The following SMAD3 variants were observed in gnomAD, a reference collection of about 807,000 sequenced individuals.
SMAD3 encodes SMAD family member 3.
In SMAD3, 12 loss-of-function variants were observed where a neutral mutation model predicts 51.8. The observed-to-expected ratio is 0.23, with a 90% confidence interval of 0.15 to 0.38. SMAD3 has a LOEUF of 0.38. Among genes scored for constraint, SMAD3 ranks in the 10% least tolerant of loss-of-function variants. SMAD3 has a pLI of 1.00. For synonymous variants in SMAD3, 238 were observed against 227.7 expected (o/e 1.05, Z -0.41); for missense variants, 294 against 565.6 (o/e 0.52, Z 4.87).
At chr15:67,164,798 A>C (rs1031805864) in intron 1 of SMAD3, 97 bp from the exon 2 acceptor site, 25 of 1,249,890 alleles carry the variant, frequency 2.0e-5, no homozygotes, top group Non-Finnish European at 2.9e-5. Flanking sequence ...GAGGGGAGAG[A>C]GAGCTTTCCA....
intron 1 of SMAD3, among the ~76,000 whole-genome samples, chr15:67,154,472 G>A (rs1962229454): frequency 6.6e-6 from 1 of 152,172 alleles, no homozygotes; most frequent in South Asian, 2.1e-4. Context: ...CTCAGCTACA[G>A]GCAGAGCACA....
chr15:67,103,692 C>T (rs1356687946), intron 1 of SMAD3, among the ~76,000 whole-genome samples: 3 of 152,100 alleles, frequency 2.0e-5, no homozygotes, highest in Admixed American at 6.6e-5. Flanking sequence ...GACTCCCCAC[C>T]CCTGTGCGGT....
intron 1 of SMAD3, among the ~76,000 whole-genome samples, chr15:67,122,845 G>C (rs1368893679): frequency 2.0e-5 from 3 of 152,110 alleles, no homozygotes; most frequent in Non-Finnish European, 4.4e-5. Context: ...TAAGTCCTCA[G>C]TTTCTTCATC....
chr15:67,113,326 G>A (rs898102193), intron 1 of SMAD3, among the ~76,000 whole-genome samples: 6 of 150,848 alleles, frequency 4.0e-5, no homozygotes, highest in African/African-American at 2.4e-5. Context: ...TCTTGACCTC[G>A]TGATCCACCC....
intron 1 of SMAD3, among the ~76,000 whole-genome samples, chr15:67,073,717 C>G (rs1960106693): frequency 6.6e-6 from 1 of 152,116 alleles, no homozygotes; most frequent in South Asian, 2.1e-4. Flanking sequence ...TCTTGTTGCC[C>G]AGGCTAAAGT....
At chr15:67,071,512 TAA>T (rs1287604501) in intron 1 of SMAD3, among the ~76,000 whole-genome samples, 1 of 152,138 alleles carries the variant, frequency 6.6e-6, no homozygotes, top group Non-Finnish European at 1.5e-5. Context: ...GGAGTGTTAA[TAA>T]AAAGTGGACA....
At chr15:67,170,681 C>A in intron 5 of SMAD3, 77 bp downstream of exon 5, 1 of 1,301,066 alleles carries the variant, frequency 7.7e-7, no homozygotes, top group Non-Finnish European at 1.1e-6. Flanking sequence ...GGGGAGGGGG[C>A]CCTGAAGGTA....
At chr15:67,070,438 A>G (rs1038072262) in intron 1 of SMAD3, among the ~76,000 whole-genome samples, 1 of 152,024 alleles carries the variant, frequency 6.6e-6, no homozygotes, top group South Asian at 2.1e-4. Context: ...ATGTTTGCAG[A>G]CAGCCCCTCT....
chr15:67,186,091 ATAAG>A (rs1963215964), intron 7 of SMAD3, among the ~76,000 whole-genome samples: 1 of 152,244 alleles, frequency 6.6e-6, no homozygotes, highest in South Asian at 2.1e-4. Flanking sequence ...CTCTGGCTCT[ATAAG>A]TAAGGAGACG....
chr15:67,075,859 G>A (rs1215597272), intron 1 of SMAD3, among the ~76,000 whole-genome samples: 3 of 150,880 alleles, frequency 2.0e-5, no homozygotes, highest in African/African-American at 7.3e-5. Flanking sequence ...AGCTTGCCGT[G>A]AGCCAAGATC....
At chr15:67,092,788 G>A (rs1960535044) in intron 1 of SMAD3, among the ~76,000 whole-genome samples, 1 of 152,168 alleles carries the variant, frequency 6.6e-6, no homozygotes, top group Non-Finnish European at 1.5e-5. Flanking sequence ...TCTTTCTTCT[G>A]TTAAACAGCT....
At chr15:67,111,024 C>T (rs1961001356) in intron 1 of SMAD3, among the ~76,000 whole-genome samples, 1 of 152,206 alleles carries the variant, frequency 6.6e-6, no homozygotes, top group African/African-American at 2.4e-5. Context: ...CATAAATCTG[C>T]TCTTTTAAGG....
At chr15:67,091,229 C>T (rs1960501767) in intron 1 of SMAD3, among the ~76,000 whole-genome samples, 1 of 152,220 alleles carries the variant, frequency 6.6e-6, no homozygotes. Context: ...GCGTATTATT[C>T]CTGCTCCCCC....
chr15:67,141,424 G>A (rs921671168), intron 1 of SMAD3, among the ~76,000 whole-genome samples: 1 of 152,176 alleles, frequency 6.6e-6, no homozygotes, highest in African/African-American at 2.4e-5. Flanking sequence ...TTCAGTGGGG[G>A]AATGTTGGGG....
At chr15:67,095,974 T>C (rs1459559896) in intron 1 of SMAD3, among the ~76,000 whole-genome samples, 1 of 152,236 alleles carries the variant, frequency 6.6e-6, no homozygotes, top group African/African-American at 2.4e-5. Flanking sequence ...CTGCCGGACC[T>C]ACAATGTGGG....
At chr15:67,080,054 A>G (rs1245300822) in intron 1 of SMAD3, among the ~76,000 whole-genome samples, 3 of 152,208 alleles carry the variant, frequency 2.0e-5, no homozygotes, top group Admixed American at 6.5e-5. Context: ...TATGGCCACT[A>G]TTAATTACGG....
chr15:67,103,142 A>G (rs538265737), intron 1 of SMAD3, among the ~76,000 whole-genome samples: 40 of 152,182 alleles, frequency 2.6e-4, no homozygotes, highest in Admixed American at 1.7e-3. Flanking sequence ...TTGATTGTCA[A>G]CTTCCTTTGT....
intron 5 of SMAD3, among the ~76,000 whole-genome samples, chr15:67,172,406 C>T (rs935962853): frequency 6.6e-6 from 1 of 152,184 alleles, no homozygotes; most frequent in Non-Finnish European, 1.5e-5. Context: ...GGTAAGACAC[C>T]GTGCTGACAG....
At chr15:67,077,236 T>TGTAC (rs1960189957) in intron 1 of SMAD3, among the ~76,000 whole-genome samples, 1 of 152,266 alleles carries the variant, frequency 6.6e-6, no homozygotes, top group East Asian at 1.9e-4. Flanking sequence ...TATGTATGTA[T>TGTAC]GTACGTATGT....
Sources: gnomAD v4.1 joint callset for allele counts (sites outside exome capture counted in the v4.1 genomes callset) on GRCh38, gnomAD v4.1.1 for gene constraint, MANE v1.5 for transcripts, NCBI Gene and HGNC (gene_info 2026-07-23, HGNC 2026-07-21) for gene names.